Variants in OR52K1 observed in about 807,000 individuals in gnomAD.
The protein encoded by OR52K1 is olfactory receptor 52K1.
A neutral mutation model predicts 8.7 loss-of-function variants in OR52K1; 10 were observed. The ratio of observed to expected loss-of-function variants is 1.15; its 90% CI spans 0.71 to 1.95. The LOEUF is 1.95. OR52K1 is among the 30% of genes most tolerant of loss of function. The pLI is 0.00. For synonymous variants in OR52K1, 203 were observed against 148.5 expected (o/e 1.37, Z -2.67); for missense variants, 431 against 397.2 (o/e 1.08, Z -0.72).
intron 1 of OR52K1, among the ~76,000 whole-genome samples, chr11:4,484,134 C>T (rs944850406): frequency 1.1e-4 from 16 of 152,258 alleles, no homozygotes; most frequent in South Asian, 6.2e-4. Context: ...TGTTCCACAC[C>T]TATGTATGTT....
Position 4,488,876 on chromosome 11 carries a change from A to C in OR52K1, c.-25A>C. 6.4e-7 allele frequency: 1 copy of C among 1,563,278 alleles called. No individual in the cohort carries two copies. The stretch of plus-strand genomic sequence containing the variant: ...TAGAAGGTGAAGAAGCCCTGTAAAA[A>C]TTGACAAGGAGATTTCCAGGAGCCA... On this transcript the variant is annotated 5_prime_UTR_variant, in exon 2 of 2. Transcript: ENST00000641528.
In OR52K1 at chr11:4,483,142, A is replaced by G; in HGVS notation, c.-363A>G. On this transcript the variant is annotated 5_prime_UTR_variant, in exon 1 of 2. Transcript: ENST00000641528. Reference sequence around the variant, plus strand: ...GCTTCTGCATTAGTCAAGAGGAAGAAAACGAGGCCTGAACTAGAAAGATGG... The same window carrying G: ...GCTTCTGCATTAGTCAAGAGGAAGAGAACGAGGCCTGAACTAGAAAGATGG... The G allele has an allele frequency of 5.0e-6, 2 of 398,638 alleles. No homozygotes were observed. Among genetic ancestry groups the G allele is most frequent in the Non-Finnish European group, 8.8e-6 (2 of 226,036 alleles). 24.7% of individuals were successfully genotyped at this position (398,638 alleles called of 1,614,324 possible). A position where few individuals can be genotyped will look rare whatever the true frequency, so the allele number is the denominator to read the frequency against.
In OR52K1 at chr11:4,490,004, G is replaced by T. The variant is rs984679867; in HGVS notation, c.*159G>T. The T allele has an allele frequency of 9.6e-6, 6 of 627,514 alleles. No individual in the cohort carries two copies. Among genetic ancestry groups the T allele is most frequent in the Non-Finnish European group, 1.7e-5 (6 of 361,164 alleles). 38.9% of individuals were successfully genotyped at this position (627,514 alleles called of 1,614,324 possible). ...TCATTCCTCACAGATCTACGAGTCA[G>T]GTCAAACCAGGAGTGCACCTATAGT... On this transcript the variant is annotated 3_prime_UTR_variant, in exon 2 of 2. Transcript: ENST00000641528.
chr11:4,485,806 G>A (rs1353003558), intron 1 of OR52K1, among the ~76,000 whole-genome samples: 1 of 152,176 alleles, frequency 6.6e-6, no homozygotes, highest in African/African-American at 2.4e-5. Flanking sequence ...TTGATTCTGA[G>A]AGAAATGGGG....
intron 1 of OR52K1, among the ~76,000 whole-genome samples, chr11:4,485,073 C>T (rs1321729542): frequency 6.6e-6 from 1 of 152,222 alleles, no homozygotes; most frequent in Non-Finnish European, 1.5e-5. Context: ...ATTCTAAACA[C>T]AAGGCCAATT....
At position 4,491,771 on chromosome 11, in the gene OR52K1, G is replaced by A. The variant is rs1310713276; in HGVS notation, c.*1926G>A. On this transcript the variant is annotated 3_prime_UTR_variant, in exon 2 of 2. Coordinates refer to ENST00000641528, the MANE Select transcript of OR52K1 (RefSeq NM_001005171.3). ...ACACAAAGAGGAGCAGGAGACACTGGGGCCTATTTAAGGTAGGAGGGAGAG... is the reference window on the plus strand; with the variant it reads ...ACACAAAGAGGAGCAGGAGACACTGAGGCCTATTTAAGGTAGGAGGGAGAG... 4 of 152,074 alleles carry A rather than the reference G, an allele frequency of 2.6e-5. No homozygotes were observed. Among genetic ancestry groups the A allele is most frequent in the Non-Finnish European group, 5.9e-5 (4 of 68,008 alleles). The allele number at this position is 152,074 out of a possible 1,614,324, so 9.4% of individuals were successfully genotyped here.
chr11:4,487,936 C>A (rs1223397379), intron 1 of OR52K1, among the ~76,000 whole-genome samples: 1 of 151,862 alleles, frequency 6.6e-6, no homozygotes, highest in East Asian at 1.9e-4. Flanking sequence ...ATGACCAGAA[C>A]AAGATAAAAA....
chr11:4,489,493 A>G lies in OR52K1; in HGVS notation c.593A>G (p.Asn198Ser). 6.2e-7 allele frequency: 1 copy of G among 1,614,124 alleles called. No individual in the cohort carries two copies. Reference sequence around the variant, plus strand: ...GCGTGTGGGGACACTAGCTTCAACAATATCTATGGCATTGCTGTGGCCATG... The same window carrying G: ...GCGTGTGGGGACACTAGCTTCAACAGTATCTATGGCATTGCTGTGGCCATG... ...RLACGDTSFN[N>S]IYGIAVAMFI... The change falls in exon 2 of 2, where the codon AAT (asparagine) becomes AGT (serine). Residue 198 changes from asparagine (N) to serine (S), a missense_variant. Coordinates refer to ENST00000641528, the MANE Select transcript of OR52K1 (RefSeq NM_001005171.3).
In OR52K1 at chr11:4,489,385, C is replaced by T. The variant is rs777598263; in HGVS notation, c.485C>T (p.Pro162Leu). Residue 162 changes from proline (P) to leucine (L), a missense_variant, in exon 2 of 2, where the codon CCC becomes CTC. Transcript: ENST00000641528. ...GCTGTGACACTAATGACTCCACTCC[C>T]CTTCCTGCTCAGACGCTTCCACTAC... ...ARAVTLMTPL[P>L]FLLRRFHYCR... 8.7e-6 allele frequency: 14 copies of T among 1,614,242 alleles called. No individual in the cohort carries two copies. The East Asian group carries it at 2.9e-4, about 33-fold the overall frequency.
chr11:4,487,742 C>G, intron 1 of OR52K1, among the ~76,000 whole-genome samples: 1 of 152,130 alleles, frequency 6.6e-6, no homozygotes, highest in African/African-American at 2.4e-5. Flanking sequence ...TTACTTTGTT[C>G]TGTGACTATT....
intron 1 of OR52K1, among the ~76,000 whole-genome samples, chr11:4,483,587 C>T (rs757717565): frequency 1.3e-5 from 2 of 151,682 alleles, no homozygotes; most frequent in Non-Finnish European, 2.9e-5. Flanking sequence ...TATTAGACAC[C>T]CTGTCTTTTC....
intron 1 of OR52K1, among the ~76,000 whole-genome samples, chr11:4,487,991 A>C (rs555116107): frequency 6.6e-6 from 1 of 152,368 alleles, no homozygotes; most frequent in South Asian, 2.1e-4. Flanking sequence ...GTCATAAGTC[A>C]GTCTTGCTAA....
Position 4,489,191 on chromosome 11 carries a change from T to G in OR52K1, c.291T>G (p.Phe97Leu). ...FWFRDQEINF[F>L]ACLVQMFFLH... ...TCAGGGATCAGGAGATCAACTTCTT[T>G]GCCTGTCTGGTCCAGATGTTCTTCC... is the stretch of plus-strand genomic sequence containing the variant. The change falls in exon 2 of 2, where the codon TTT becomes TTG. Residue 97 changes from phenylalanine (F) to leucine (L), a missense_variant. Phe to Leu is a conservative substitution (Grantham distance 22, BLOSUM62 0). Coordinates refer to ENST00000641528, the MANE Select transcript of OR52K1 (RefSeq NM_001005171.3). 1 of 1,614,248 alleles carries G rather than the reference T, an allele frequency of 6.2e-7. No individual in the cohort carries two copies. Among genetic ancestry groups the G allele is most frequent in the Non-Finnish European group, 8.5e-7 (1 of 1,180,046 alleles).
In OR52K1 at chr11:4,492,874, G is replaced by T; in HGVS notation, c.*3029G>T. 1 of 195,470 alleles carries T rather than the reference G, an allele frequency of 5.1e-6. No homozygotes were observed. The highest frequency in any genetic ancestry group is 1.0e-4 in the South Asian group (1 of 9,674). The allele number at this position is 195,470 out of a possible 1,614,324, so 12.1% of individuals were successfully genotyped here. A position where few individuals can be genotyped will look rare whatever the true frequency, so the allele number is the denominator to read the frequency against. On this transcript the variant is annotated 3_prime_UTR_variant, in exon 2 of 2. Transcript: ENST00000641528. ...GGGGGACCAGTACCACCAAGATGCA[G>T]AGACCGGTAGTGGCCCCGAATGCCT... is the stretch of plus-strand genomic sequence containing the variant.
intron 1 of OR52K1, among the ~76,000 whole-genome samples, chr11:4,486,590 C>G (rs1426278444): frequency 6.6e-6 from 1 of 152,190 alleles, no homozygotes; most frequent in Non-Finnish European, 1.5e-5. Context: ...CTCCTGCTCC[C>G]TATCATGAAA....
chr11:4,486,917 G>C (rs973960888), intron 1 of OR52K1, among the ~76,000 whole-genome samples: 1 of 152,182 alleles, frequency 6.6e-6, no homozygotes, highest in African/African-American at 2.4e-5. Context: ...GAGACACTCT[G>C]GAGCTGGGAA....
rs1846367966 is a variant in OR52K1 at position 4,490,762 on chromosome 11, T to TA, written c.*919dup. 6.6e-6 allele frequency: 1 copy of TA among 152,242 alleles called. No homozygotes were observed. The highest frequency in any genetic ancestry group is 1.5e-5 in the Non-Finnish European group (1 of 68,038). The allele number at this position is 152,242 out of a possible 1,614,324, so 9.4% of individuals were successfully genotyped here. A position where few individuals can be genotyped will look rare whatever the true frequency, so the allele number is the denominator to read the frequency against. On this transcript the variant is annotated 3_prime_UTR_variant, in exon 2 of 2. Transcript: ENST00000641528. ...TACCGTATATTTACTGTATGTTTTT[T>TA]AACTTTTAAGTTACATGTACAGGTT...
rs920679599 is a variant in OR52K1 at position 4,492,490 on chromosome 11, A to G, written c.*2645A>G. ...GTTGTTTTTGTAGTGAACCACTGAAATTTGGGAGTTGTTTGTTTCACAGCC... is the reference window on the plus strand; with the variant it reads ...GTTGTTTTTGTAGTGAACCACTGAAGTTTGGGAGTTGTTTGTTTCACAGCC... On this transcript the variant is annotated 3_prime_UTR_variant, in exon 2 of 2. Transcript: ENST00000641528. 1 of 152,214 alleles carries G rather than the reference A, an allele frequency of 6.6e-6. No individual in the cohort carries two copies. The highest frequency in any genetic ancestry group is 1.5e-5 in the Non-Finnish European group (1 of 68,040). The allele number at this position is 152,214 out of a possible 1,614,324, so 9.4% of individuals were successfully genotyped here.
chr11:4,491,856 A>G lies in OR52K1; in HGVS notation c.*2011A>G, dbSNP rs988411858. On this transcript the variant is annotated 3_prime_UTR_variant, in exon 2 of 2. Coordinates refer to ENST00000641528, the MANE Select transcript of OR52K1 (RefSeq NM_001005171.3). ...GTACCTAGGTGATTAAAGAACTTGTACAACAAACTCCCGTGACACAAGTTT... is the reference window on the plus strand; with the variant it reads ...GTACCTAGGTGATTAAAGAACTTGTGCAACAAACTCCCGTGACACAAGTTT... 1 of 152,200 alleles carries G rather than the reference A, an allele frequency of 6.6e-6. No homozygotes were observed. The highest frequency in any genetic ancestry group is 2.4e-5 in the African/African-American group (1 of 41,454). 9.4% of individuals were successfully genotyped at this position (152,200 alleles called of 1,614,324 possible). A position where few individuals can be genotyped will look rare whatever the true frequency, so the allele number is the denominator to read the frequency against.
Sources: allele counts gnomAD v4.1 joint callset (sites outside exome capture counted in the v4.1 genomes callset), GRCh38; gene constraint gnomAD v4.1.1; transcripts MANE v1.5; gene names NCBI Gene and HGNC (gene_info 2026-07-23, HGNC 2026-07-21).